Variants in GCNT1 observed in about 807,000 individuals in gnomAD.
GCNT1 encodes the protein beta-1,3-galactosyl-O-glycosyl-glycoprotein beta-1,6-N-acetylglucosaminyltransferase.
GCNT1 carries 16 observed loss-of-function variants against 26.2 expected under a neutral mutation model. That is an observed-to-expected ratio of 0.61 (90% CI 0.41 to 0.93). GCNT1 has a LOEUF of 0.93. GCNT1 is among the 40% of genes least tolerant of loss of function. The pLI is 0.00. For synonymous variants in GCNT1, 183 were observed against 190.8 expected (o/e 0.96, Z 0.34); for missense variants, 477 against 526.7 (o/e 0.91, Z 0.92).
chr9:76,401,373 T>C, the GCNT1 span, among the ~76,000 whole-genome samples: 1 of 152,224 alleles, frequency 6.6e-6, no homozygotes, highest in African/African-American at 2.4e-5. Flanking sequence ...TTAAGCCATC[T>C]GCCTGCCTTG....
At chr9:76,467,624 C>G (rs1824031227) in intron 2 of GCNT1, among the ~76,000 whole-genome samples, 1 of 152,144 alleles carries the variant, frequency 6.6e-6, no homozygotes, top group South Asian at 2.1e-4. Flanking sequence ...AGCTACTTGC[C>G]TGTTGAGTGG....
At chr9:76,437,940 A>G (rs549223539), upstream of GCNT1, among the ~76,000 whole-genome samples, 5 of 152,182 alleles carry the variant, frequency 3.3e-5, no homozygotes, top group Non-Finnish European at 7.3e-5. Context: ...GATTGTATCT[A>G]TTTTCCTTGG....
At chr9:76,436,598 CA>C (rs1178497535) in intron 1 of GCNT1, among the ~76,000 whole-genome samples, 3,431 of 41,098 alleles carry the variant, frequency 0.083, 23 homozygotes, top group South Asian at 0.15. Flanking sequence ...GATTCCATCT[CA>C]AAAAAAAAAA....
chr9:76,404,918 A>C, the GCNT1 span, among the ~76,000 whole-genome samples: 1 of 151,960 alleles, frequency 6.6e-6, no homozygotes, highest in Admixed American at 6.6e-5. Context: ...TCCAGGTTCA[A>C]GATTCTCCTG....
intron 1 of GCNT1, among the ~76,000 whole-genome samples, chr9:76,435,341 T>C (rs1382580546): frequency 6.6e-6 from 1 of 152,084 alleles, no homozygotes; most frequent in Non-Finnish European, 1.5e-5. Flanking sequence ...TGGCCAGCAA[T>C]TATGGAAAAT....
At chr9:76,496,322 C>T (rs1384512007) in intron 2 of GCNT1, among the ~76,000 whole-genome samples, 4 of 152,218 alleles carry the variant, frequency 2.6e-5, no homozygotes, top group African/African-American at 4.8e-5. Flanking sequence ...CATCATTCTC[C>T]GCATCCCCCC....
At chr9:76,486,563 T>A (rs1322769814) in intron 2 of GCNT1, among the ~76,000 whole-genome samples, 2 of 152,208 alleles carry the variant, frequency 1.3e-5, no homozygotes, top group Non-Finnish European at 2.9e-5. Flanking sequence ...AGGATTCAGC[T>A]TCCTGAGATC....
chr9:76,423,649 G>A (rs1823227032), intron 1 of GCNT1, among the ~76,000 whole-genome samples: 2 of 152,174 alleles, frequency 1.3e-5, no homozygotes, highest in Admixed American at 1.3e-4. Flanking sequence ...CATGTTTCCT[G>A]CAGATCTGCA....
chr9:76,400,412 T>C, the GCNT1 span, among the ~76,000 whole-genome samples: 1 of 152,188 alleles, frequency 6.6e-6, no homozygotes, highest in Non-Finnish European at 1.5e-5. Flanking sequence ...CCAACTCTAT[T>C]CTCCCAGCCT....
chr9:76,411,170 A>G, the GCNT1 span, among the ~76,000 whole-genome samples: 1 of 152,138 alleles, frequency 6.6e-6, no homozygotes, highest in Non-Finnish European at 1.5e-5. Context: ...TAATTGGTAT[A>G]TTTAGACCAT....
rs376648968 is a variant in GCNT1 at position 76,479,813 on chromosome 9, A to C, written c.-290+19636A>C. Among the ~76,000 whole-genome samples the C allele has an allele frequency of 4.6e-5, 7 of 152,010 alleles. No individual in the cohort carries two copies. The South Asian group carries it at 1.4e-3, about 31-fold the overall frequency. ...CTCCCATTCTGTAGGTTGGTTCTTCACTCTGATGGTAGTTTCTTTTGCTGT... is the reference window on the plus strand; with the variant it reads ...CTCCCATTCTGTAGGTTGGTTCTTCCCTCTGATGGTAGTTTCTTTTGCTGT... On this transcript the variant is annotated intron_variant, in intron 2 of 3. Transcript: ENST00000376730.
intron 2 of GCNT1, among the ~76,000 whole-genome samples, chr9:76,479,644 C>T (rs939897389): frequency 1.3e-5 from 2 of 152,210 alleles, no homozygotes; most frequent in Non-Finnish European, 2.9e-5. Context: ...TGCCTGTTGG[C>T]TGCATAAATG....
At chr9:76,482,228 T>C (rs4745552) in intron 2 of GCNT1, among the ~76,000 whole-genome samples, 37,675 of 151,882 alleles carry the variant, frequency 0.25, 4,906 homozygotes, top group East Asian at 0.32. Context: ...AACAGCATGC[T>C]TCTCCCAATG....
the GCNT1 span, among the ~76,000 whole-genome samples, chr9:76,397,819 TACTC>T: frequency 6.6e-6 from 1 of 152,190 alleles, no homozygotes. Context: ...TCCCATCAAG[TACTC>T]AATCTGTTGA....
At chr9:76,394,165 GC>G in the GCNT1 span, 1 of 1,603,872 alleles carries the variant, frequency 6.2e-7, no homozygotes, top group South Asian at 1.1e-5. Flanking sequence ...TAAGGCAGGT[GC>G]CTCATAATGC....
rs763794562 is a variant in GCNT1 at position 76,503,005 on chromosome 9, A to G, written c.624A>G (p.Ala208=). The G allele has an allele frequency of 1.7e-5, 28 of 1,613,700 alleles. No individual in the cohort carries two copies. The highest frequency in any genetic ancestry group is 1.6e-4 in the Middle Eastern group (1 of 6,084). The change falls in exon 4 of 4, where the codon GCA becomes GCG. Residue 208 remains alanine, a synonymous_variant. Transcript: ENST00000376730. The part of the protein sequence containing the change: ...NCMKDLYAMS[A]NWKYLINLCG... ...TGAAGGATCTCTATGCAATGAGTGC[A>G]AACTGGAAGTACTTGATAAATCTTT...
chr9:76,447,372 T>C (rs1823594545), intron 1 of GCNT1, among the ~76,000 whole-genome samples: 1 of 151,824 alleles, frequency 6.6e-6, no homozygotes, highest in African/African-American at 2.4e-5. Flanking sequence ...CCTTAATAGC[T>C]GGGACCATAG....
the GCNT1 span, among the ~76,000 whole-genome samples, chr9:76,400,386 A>T: frequency 6.6e-6 from 1 of 152,056 alleles, no homozygotes; most frequent in Admixed American, 6.6e-5. Flanking sequence ...ATGACCCCTT[A>T]CCTGCACAGG....
At chr9:76,465,671 G>A (rs749173428) in intron 2 of GCNT1, among the ~76,000 whole-genome samples, 18 of 152,342 alleles carry the variant, frequency 1.2e-4, no homozygotes, top group Middle Eastern at 3.4e-3. Flanking sequence ...GAGGAGGGTG[G>A]ATGTGAACAA....
Sources: allele counts gnomAD v4.1 joint callset (sites outside exome capture counted in the v4.1 genomes callset), GRCh38; gene constraint gnomAD v4.1.1; transcripts MANE v1.5; gene names NCBI Gene and HGNC (gene_info 2026-07-23, HGNC 2026-07-21).